OAS1: variants seen among roughly 807,000 people sequenced by gnomAD.
OAS1 encodes the protein 2'-5'-oligoadenylate synthetase 1.
A neutral mutation model predicts 38.5 loss-of-function variants in OAS1; 24 were observed. The ratio of observed to expected loss-of-function variants is 0.62; its 90% CI spans 0.45 to 0.88. OAS1 has a LOEUF of 0.88. OAS1 is among the 40% of genes least tolerant of loss of function. The pLI is 0.00. For synonymous variants in OAS1, 169 were observed against 193.9 expected, an observed-to-expected ratio of 0.87 and a Z score of 1.07; for missense variants, 482 against 493.9, an observed-to-expected ratio of 0.98 and a Z score of 0.23.
chr12:112,923,807 T>TG (rs1167648713), downstream of OAS1, among the ~76,000 whole-genome samples: 1 of 152,174 alleles, frequency 6.6e-6, no homozygotes, highest in Non-Finnish European at 1.5e-5. Flanking sequence ...GAATACACAA[T>TG]GGGGAAAGGA....
In OAS1 at chr12:112,917,564, C is replaced by T. The variant is rs201971047; in HGVS notation, c.902C>T (p.Pro301Leu). Residue 301 changes from proline (P) to leucine (L), a missense_variant, in exon 5 of 6, where the codon CCG becomes CTG. Transcript: ENST00000202917. Reference sequence around the variant, plus strand: ...CTCTGCAGGCCTGTGATCCTGGACCCGGCGGACCCTACAGGAAACTTGGGT... The same window carrying T: ...CTCTGCAGGCCTGTGATCCTGGACCTGGCGGACCCTACAGGAAACTTGGGT... ...LTKPRPVILD[P>L]ADPTGNLGGG... The T allele has an allele frequency of 8.7e-5, 141 of 1,614,154 alleles. No individual in the cohort carries two copies. The highest frequency in any genetic ancestry group is 1.9e-4 in the African/African-American group (14 of 75,038).
chr12:112,914,793 G>T (rs980491328), intron 3 of OAS1, among the ~76,000 whole-genome samples: 3 of 146,908 alleles, frequency 2.0e-5, no homozygotes, highest in African/African-American at 5.0e-5. Context: ...ACAATGTGCA[G>T]GTTAGTTACA....
downstream of OAS1, among the ~76,000 whole-genome samples, chr12:112,923,638 G>A (rs11066451): frequency 0.75 from 114,267 of 152,148 alleles, 44,159 homozygotes; most frequent in African/African-American, 0.94. Flanking sequence ...TATGGTTTGT[G>A]AATGTTTTCT....
chr12:112,908,257 A>C (rs868289979), intron 1 of OAS1, among the ~76,000 whole-genome samples: 3 of 152,344 alleles, frequency 2.0e-5, no homozygotes, highest in East Asian at 1.9e-4. Context: ...AGATCCTGGA[A>C]GAAGGCCCCC....
chr12:112,919,794 A>G lies in OAS1; in HGVS notation c.*241A>G. 1 of 1,404,388 alleles carries G rather than the reference A, an allele frequency of 7.1e-7. No homozygotes were observed. The allele number at this position is 1,404,388 out of a possible 1,614,324, so 87.0% of individuals were successfully genotyped here. ...GAAAATATTCCCTGAGAGAGAACAG[A>G]GAGATTTAGATAAGAGAATGAAATT... On this transcript the variant is annotated 3_prime_UTR_variant, in exon 6 of 6. Coordinates refer to ENST00000202917, the MANE Select transcript of OAS1 (RefSeq NM_016816.4).
intron 4 of OAS1, chr12:112,917,074 G>C (rs1395583692): frequency 1.2e-5 from 4 of 343,670 alleles, no homozygotes; most frequent in African/African-American, 2.1e-5. Flanking sequence ...TTGCTCCCAG[G>C]TATTGAAAGC....
At chr12:112,913,266 C>A (rs998614051) in intron 3 of OAS1, among the ~76,000 whole-genome samples, 1 of 152,178 alleles carries the variant, frequency 6.6e-6, no homozygotes, top group African/African-American at 2.4e-5. Flanking sequence ...ATTCTTCTGG[C>A]TGCATGTAAA....
At position 112,919,389 on chromosome 12, in the gene OAS1, G is replaced by A. The variant is rs763464959; in HGVS notation, c.1039G>A (p.Ala347Thr). The change falls in exon 6 of 6, where the codon GCT becomes ACT. Residue 347 changes from alanine to threonine, a missense_variant and splice_region_variant. Transcript: ENST00000202917. ...GSPVSSWILLAESNSADDETD... is the reference protein window; with the variant it reads ...GSPVSSWILLTESNSADDETD... ...GTGATCATGTGTCTCACCCTTTCAG[G>A]CTGAAAGCAACAGTGCAGACGATGA... 6.2e-7 allele frequency: 1 copy of A among 1,611,080 alleles called. No homozygotes were observed. Among genetic ancestry groups the A allele is most frequent in the East Asian group, 2.2e-5 (1 of 44,858 alleles).
At position 112,917,505 on chromosome 12, in the gene OAS1, C is replaced by A. The variant is rs745634697; in HGVS notation, c.885-42C>A. ...GAGCATCTGGACTCCCTAGACAGAG[C>A]CCCAGCTTCTCACCTGTCCCTCTCT... On this transcript the variant is annotated intron_variant, in intron 4 of 5. Transcript: ENST00000202917. The A allele has an allele frequency of 6.2e-6, 10 of 1,611,654 alleles. No homozygotes were observed. The African/African-American group carries it at 1.1e-4, about 17-fold the overall frequency.
chr12:112,923,723 C>A (rs549785526), downstream of OAS1, among the ~76,000 whole-genome samples: 6 of 152,144 alleles, frequency 3.9e-5, no homozygotes, highest in Non-Finnish European at 5.9e-5. Context: ...CTGATGTAGT[C>A]CAAGTTGCCT....
At chr12:112,907,324 G>T (rs771615858) in intron 1 of OAS1, 105 bp downstream of exon 1, 34 of 1,162,864 alleles carry the variant, frequency 2.9e-5, no homozygotes, top group Non-Finnish European at 4.0e-5. Flanking sequence ...TAGAACCCAG[G>T]GTGCAAATGT....
At chr12:112,930,159 G>A (rs967260378) in intron 6 of OAS1, among the ~76,000 whole-genome samples, 4 of 151,998 alleles carry the variant, frequency 2.6e-5, no homozygotes, top group Admixed American at 6.5e-5. Flanking sequence ...TCCTGCTTTC[G>A]CCACATGATA....
chr12:112,917,893 T>C, intron 5 of OAS1, 193 bp downstream of exon 5: 1 of 1,466,662 alleles, frequency 6.8e-7, no homozygotes, highest in Non-Finnish European at 9.0e-7. Context: ...AATTTTCACA[T>C]CCCTTGTCCA....
Position 112,919,753 on chromosome 12 carries a change from A to T in OAS1, c.*200A>T. The T allele has an allele frequency of 6.9e-7, 1 of 1,453,264 alleles. No homozygotes were observed. The highest frequency in any genetic ancestry group is 2.8e-5 in the Admixed American group (1 of 36,314). 90.0% of individuals were successfully genotyped at this position (1,453,264 alleles called of 1,614,324 possible). ...ATAACATTCTCCACAGCCTCACTTCATTCCACCTATTCTCTGAAAATATTC... is the reference window on the plus strand; with the variant it reads ...ATAACATTCTCCACAGCCTCACTTCTTTCCACCTATTCTCTGAAAATATTC... On this transcript the variant is annotated 3_prime_UTR_variant, in exon 6 of 6. Coordinates refer to ENST00000202917, the MANE Select transcript of OAS1 (RefSeq NM_016816.4).
chr12:112,910,002 T>A (rs2043353339), intron 2 of OAS1, among the ~76,000 whole-genome samples: 2 of 152,088 alleles, frequency 1.3e-5, no homozygotes, highest in South Asian at 4.1e-4. Context: ...CACCAGGGTA[T>A]GAGAAAGTTT....
downstream of OAS1, among the ~76,000 whole-genome samples, chr12:112,923,239 A>T (rs759947994): frequency 1.3e-5 from 2 of 152,204 alleles, no homozygotes; most frequent in Non-Finnish European, 2.9e-5. Flanking sequence ...TCTTTTGGAT[A>T]CTCAGAAGTG....
rs1412678365 is a variant in OAS1 at position 112,912,547 on chromosome 12, T to C, written c.654+1312T>C. On this transcript the variant is annotated intron_variant, in intron 3 of 5. Coordinates refer to ENST00000202917, the MANE Select transcript of OAS1 (RefSeq NM_016816.4). Reference sequence around the variant, plus strand: ...TGCCAGACTTCTAAGTGTTTGCTGTTCTATGAATTGTAATCATGGAGCCTG... The same window carrying C: ...TGCCAGACTTCTAAGTGTTTGCTGTCCTATGAATTGTAATCATGGAGCCTG... Among the ~76,000 whole-genome samples the C allele has an allele frequency of 2.0e-5, 3 of 152,224 alleles. No individual in the cohort carries two copies. The East Asian group carries it at 5.8e-4, about 29-fold the overall frequency.
intron 3 of OAS1, among the ~76,000 whole-genome samples, chr12:112,912,622 C>G (rs952847498): frequency 2.6e-5 from 4 of 152,086 alleles, no homozygotes; most frequent in Admixed American, 1.3e-4. Context: ...AGCACTGCCC[C>G]CAGGGACATA....
At chr12:112,917,482 G>A in intron 4 of OAS1, 65 bp from the exon 5 acceptor site, 1 of 1,599,238 alleles carries the variant, frequency 6.3e-7, no homozygotes, top group Non-Finnish European at 8.5e-7. Context: ...TCTCCCAGGA[G>A]CATCTGGACT....
Sources: gnomAD v4.1 joint callset for allele counts (sites outside exome capture counted in the v4.1 genomes callset) on GRCh38, gnomAD v4.1.1 for gene constraint, MANE v1.5 for transcripts, NCBI Gene and HGNC (gene_info 2026-07-23, HGNC 2026-07-21) for gene names.